LCLAT1: variants seen among roughly 807,000 people sequenced by gnomAD.
The protein encoded by LCLAT1 is lysocardiolipin acyltransferase 1.
In LCLAT1, 11 loss-of-function variants were observed where a neutral mutation model predicts 30.7. The observed-to-expected ratio is 0.36, with a 90% CI of 0.23 to 0.59. The LOEUF is 0.59. Ranked by LOEUF, LCLAT1 falls within the 20% of genes least tolerant of loss-of-function variation. The pLI is 0.77. For missense variants in LCLAT1, 402 were observed against 458.6 expected (o/e 0.88, Z 1.13); for synonymous variants, 155 against 151.3 (o/e 1.02, Z -0.18).
intron 3 of LCLAT1, among the ~76,000 whole-genome samples, chr2:30,537,366 C>T (rs4952143): frequency 0.13 from 18,753 of 146,632 alleles, 1,297 homozygotes; most frequent in South Asian, 0.23. Context: ...CCGGCCTGGG[C>T]GACAGAGCGA....
chr2:30,591,506 G>T (rs952221297), intron 5 of LCLAT1, among the ~76,000 whole-genome samples: 3 of 152,022 alleles, frequency 2.0e-5, no homozygotes, highest in African/African-American at 4.8e-5. Flanking sequence ...TTATTTTTTT[G>T]ACTTTAAACA....
intron 1 of LCLAT1, among the ~76,000 whole-genome samples, chr2:30,491,196 C>G (rs1191380774): frequency 6.6e-6 from 1 of 151,986 alleles, no homozygotes; most frequent in African/African-American, 2.4e-5. Context: ...TCTGGTAAAC[C>G]CAAGTACATC....
At chr2:30,599,986 C>G (rs182536140) in intron 5 of LCLAT1, among the ~76,000 whole-genome samples, 1 of 152,228 alleles carries the variant, frequency 6.6e-6, no homozygotes, top group African/African-American at 2.4e-5. Context: ...GCAGACTTGT[C>G]AATGTAGTTG....
At chr2:30,523,738 C>T (rs1018904631) in intron 1 of LCLAT1, among the ~76,000 whole-genome samples, 3 of 152,176 alleles carry the variant, frequency 2.0e-5, no homozygotes, top group South Asian at 2.1e-4. Flanking sequence ...TGTGGTGGCG[C>T]GTGTCTGTAA....
At chr2:30,580,910 T>C (rs1297871105) in intron 5 of LCLAT1, among the ~76,000 whole-genome samples, 2 of 152,158 alleles carry the variant, frequency 1.3e-5, no homozygotes, top group Non-Finnish European at 2.9e-5. Flanking sequence ...ATAAGACCTG[T>C]TGGCTTTAGC....
chr2:30,626,428 G>C (rs1226108775), intron 5 of LCLAT1, among the ~76,000 whole-genome samples: 1 of 152,166 alleles, frequency 6.6e-6, no homozygotes, highest in Non-Finnish European at 1.5e-5. Flanking sequence ...ATGTATATAT[G>C]TTGTATACAA....
At chr2:30,451,646 G>C (rs1243750899) in intron 1 of LCLAT1, among the ~76,000 whole-genome samples, 1 of 119,982 alleles carries the variant, frequency 8.3e-6, no homozygotes, top group Non-Finnish European at 1.9e-5. Flanking sequence ...TTGTACATCA[G>C]CAGTAGAATG....
intron 3 of LCLAT1, among the ~76,000 whole-genome samples, chr2:30,539,766 T>C (rs961330310): frequency 1.3e-5 from 2 of 152,212 alleles, no homozygotes; most frequent in African/African-American, 2.4e-5. Flanking sequence ...TCTCTAATAA[T>C]TTGTTATTAT....
chr2:30,494,565 T>TAC (rs10657216), intron 1 of LCLAT1, among the ~76,000 whole-genome samples: 124,518 of 151,722 alleles, frequency 0.82, 51,344 homozygotes, highest in East Asian at 0.94. Context: ...CATACGTGCA[T>TAC]ACACACATGC....
chr2:30,534,552 G>T (rs1686147432), intron 3 of LCLAT1, among the ~76,000 whole-genome samples: 1 of 152,186 alleles, frequency 6.6e-6, no homozygotes, highest in Non-Finnish European at 1.5e-5. Flanking sequence ...TGCTGGAACA[G>T]GCGTGAGCCA....
intron 1 of LCLAT1, among the ~76,000 whole-genome samples, chr2:30,472,808 AAGTCTTGCC>A (rs1421325228): frequency 6.6e-6 from 1 of 152,172 alleles, no homozygotes; most frequent in Non-Finnish European, 1.5e-5. Flanking sequence ...TTGTCTCCAC[AAGTCTTGCC>A]AGTCCCTCCT....
intron 5 of LCLAT1, among the ~76,000 whole-genome samples, chr2:30,625,098 G>A (rs1167869939): frequency 6.6e-6 from 1 of 152,150 alleles, no homozygotes; most frequent in Non-Finnish European, 1.5e-5. Context: ...AACAAAAGCA[G>A]TGCTAAGAGG....
rs374894655 is a variant in LCLAT1, at chr2:30,620,133, A to G, written c.629-19984A>G. On this transcript the variant is annotated intron_variant, in intron 5 of 5. Coordinates refer to ENST00000379509, the MANE Select transcript of LCLAT1 (RefSeq NM_001002257.3). ...GCAAGGAGTGGAATTAAGCAAAAAA[A>G]CCTAGGGTTTTATCTGATTCCAGAA... 1.6e-4 allele frequency among the ~76,000 whole-genome samples: 25 copies of G among 152,268 alleles called. No individual in the cohort carries two copies. In the East Asian group the frequency reaches 4.2e-3, roughly 26 times the overall value.
intron 5 of LCLAT1, among the ~76,000 whole-genome samples, chr2:30,598,496 C>T (rs933362368): frequency 1.3e-5 from 2 of 150,360 alleles, no homozygotes; most frequent in African/African-American, 4.9e-5. Flanking sequence ...GTGGTGATAT[C>T]CCCTTATCAT....
intron 1 of LCLAT1, chr2:30,489,266 T>C (rs1683713594): frequency 6.6e-6 from 1 of 152,230 alleles, no homozygotes; most frequent in Non-Finnish European, 1.5e-5. Flanking sequence ...GCATATTTAA[T>C]GTTATCTTCT....
chr2:30,627,717 T>C (rs2593446), intron 5 of LCLAT1, among the ~76,000 whole-genome samples: 51,750 of 152,012 alleles, frequency 0.34, 9,265 homozygotes, highest in Non-Finnish European at 0.4. Flanking sequence ...CTACAAAGAC[T>C]GGTTCATACA....
intron 3 of LCLAT1, among the ~76,000 whole-genome samples, chr2:30,561,517 C>T (rs148347790): frequency 1.6e-3 from 240 of 152,242 alleles, no homozygotes; most frequent in African/African-American, 5.5e-3. Flanking sequence ...AAACATGGCA[C>T]ATCTAGGGCT....
At chr2:30,601,083 G>T (rs1260589203) in intron 5 of LCLAT1, among the ~76,000 whole-genome samples, 1 of 152,052 alleles carries the variant, frequency 6.6e-6, no homozygotes, top group Non-Finnish European at 1.5e-5. Flanking sequence ...TTCAGTTATT[G>T]ATACTTGTGG....
chr2:30,507,659 T>C (rs749669619), intron 1 of LCLAT1, among the ~76,000 whole-genome samples: 9 of 152,202 alleles, frequency 5.9e-5, no homozygotes, highest in Non-Finnish European at 1.0e-4. Context: ...TTTTTATGGC[T>C]GCATAGTATT....
Sources: gnomAD v4.1 joint callset for allele counts (sites outside exome capture counted in the v4.1 genomes callset) on GRCh38, gnomAD v4.1.1 for gene constraint, MANE v1.5 for transcripts, NCBI Gene and HGNC (gene_info 2026-07-23, HGNC 2026-07-21) for gene names.